OSBP2: variants seen among roughly 807,000 people sequenced by gnomAD.
OSBP2 encodes oxysterol-binding protein 2.
OSBP2 carries 66 observed loss-of-function variants against 96.0 expected under a neutral mutation model. That is an observed-to-expected ratio of 0.69 (90% CI 0.56 to 0.84). The LOEUF is 0.84. Ranked by LOEUF, OSBP2 falls within the 40% of genes least tolerant of loss-of-function variation. The pLI is 0.00. For synonymous variants in OSBP2, 525 were observed against 520.9 expected, an observed-to-expected ratio of 1.01 and a Z score of -0.11; for missense variants, 1,038 against 1,222.7, an observed-to-expected ratio of 0.85 and a Z score of 2.25.
At chr22:30,739,406 C>A (rs2089903263) in intron 1 of OSBP2, among the ~76,000 whole-genome samples, 1 of 152,230 alleles carries the variant, frequency 6.6e-6, no homozygotes, top group African/African-American at 2.4e-5. Context: ...CTACGTCTGC[C>A]CCCTCAGGCT....
intron 2 of OSBP2, among the ~76,000 whole-genome samples, chr22:30,807,793 T>C (rs1220506014): frequency 1.3e-5 from 2 of 152,148 alleles, no homozygotes; most frequent in East Asian, 3.9e-4. Flanking sequence ...CTGGGTCTTT[T>C]TTTTGTGGTG....
At chr22:30,765,647 T>A (rs1015250338) in intron 2 of OSBP2, among the ~76,000 whole-genome samples, 4 of 152,178 alleles carry the variant, frequency 2.6e-5, no homozygotes, top group Non-Finnish European at 5.9e-5. Context: ...ATCTCCAAAT[T>A]CCATGTTTTT....
intron 2 of OSBP2, among the ~76,000 whole-genome samples, chr22:30,776,502 G>A (rs2090439759): frequency 6.6e-6 from 1 of 151,974 alleles, no homozygotes; most frequent in South Asian, 2.1e-4. Context: ...TTTTGAAAAT[G>A]TTTGCCAGTT....
At chr22:30,805,701 C>T (rs1389276929) in intron 2 of OSBP2, among the ~76,000 whole-genome samples, 2 of 152,198 alleles carry the variant, frequency 1.3e-5, no homozygotes, top group Non-Finnish European at 2.9e-5. Context: ...CATGAAAGGA[C>T]TCAATAGCTT....
At chr22:30,888,201 A>G in intron 4 of OSBP2, 22 bp from the exon 5 acceptor site, 1 of 1,483,988 alleles carries the variant, frequency 6.7e-7, no homozygotes, top group Non-Finnish European at 9.4e-7. Context: ...GTTACAAATT[A>G]AAGCTCTGTC....
intron 2 of OSBP2, among the ~76,000 whole-genome samples, chr22:30,777,494 C>T (rs2090452407): frequency 6.6e-6 from 1 of 152,178 alleles, no homozygotes; most frequent in Admixed American, 6.5e-5. Flanking sequence ...CCACGTGGAG[C>T]TGTAAGTCCA....
intron 2 of OSBP2, among the ~76,000 whole-genome samples, chr22:30,819,453 T>C (rs2091121506): frequency 6.6e-6 from 1 of 152,182 alleles, no homozygotes; most frequent in Non-Finnish European, 1.5e-5. Context: ...GTGGAGCTGT[T>C]AGAAGAACCC....
intron 1 of OSBP2, 95 bp from the exon 2 acceptor site, chr22:30,741,066 G>A: frequency 2.1e-6 from 2 of 958,040 alleles, no homozygotes; most frequent in Non-Finnish European, 3.2e-6. Flanking sequence ...CAGCTCTGAG[G>A]GTCTGAGATT....
chr22:30,818,197 C>T (rs1247688672), intron 2 of OSBP2, among the ~76,000 whole-genome samples: 1 of 152,216 alleles, frequency 6.6e-6, no homozygotes, highest in Non-Finnish European at 1.5e-5. Context: ...CGTGCCCAGC[C>T]AGTCCTACTG....
intron 1 of OSBP2, among the ~76,000 whole-genome samples, chr22:30,710,582 G>T (rs543770084): frequency 6.6e-6 from 1 of 151,784 alleles, no homozygotes; most frequent in African/African-American, 2.4e-5. Flanking sequence ...ACATGTTCCA[G>T]GCTCTTCTTA....
At chr22:30,727,252 T>C (rs1244425296) in intron 1 of OSBP2, among the ~76,000 whole-genome samples, 1 of 152,198 alleles carries the variant, frequency 6.6e-6, no homozygotes, top group African/African-American at 2.4e-5. Context: ...GGTGTCCCCT[T>C]GACCTGAGAG....
intron 2 of OSBP2, among the ~76,000 whole-genome samples, chr22:30,836,609 C>T (rs994973120): frequency 2.0e-5 from 3 of 152,148 alleles, no homozygotes; most frequent in Admixed American, 6.5e-5. Context: ...AAAGGTAATT[C>T]AAAGGTATTT....
chr22:30,865,787 C>T (rs571317405), intron 2 of OSBP2, among the ~76,000 whole-genome samples: 132 of 152,272 alleles, frequency 8.7e-4, no homozygotes, highest in African/African-American at 3.0e-3. Flanking sequence ...CCCAGAGCAG[C>T]CACTAATATC....
chr22:30,829,450 G>A (rs906288263), intron 2 of OSBP2, among the ~76,000 whole-genome samples: 3 of 152,066 alleles, frequency 2.0e-5, no homozygotes, highest in Admixed American at 1.3e-4. Flanking sequence ...CTGCCACCAC[G>A]CCTGGCTAAT....
intron 6 of OSBP2, 85 bp downstream of exon 6, chr22:30,889,319 G>T (rs1180185699): frequency 6.8e-7 from 1 of 1,465,540 alleles, no homozygotes; most frequent in South Asian, 1.2e-5. Context: ...AAGAACTGGG[G>T]GCCAGCAGGC....
intron 2 of OSBP2, among the ~76,000 whole-genome samples, chr22:30,756,845 T>G (rs932236209): frequency 2.6e-5 from 4 of 152,176 alleles, no homozygotes; most frequent in Non-Finnish European, 5.9e-5. Flanking sequence ...ACCTGTCAGT[T>G]CTGCACCTTC....
At position 30,871,770 on chromosome 22, in the gene OSBP2, G is replaced by A. The variant is rs1466550727; in HGVS notation, c.1107+1088G>A. 6.6e-6 allele frequency among the ~76,000 whole-genome samples: 1 copy of A among 152,238 alleles called. No homozygotes were observed. Among genetic ancestry groups the A allele is most frequent in the Non-Finnish European group, 1.5e-5 (1 of 68,040 alleles). On this transcript the variant is annotated intron_variant, in intron 3 of 13. Coordinates refer to ENST00000332585, the MANE Select transcript of OSBP2 (RefSeq NM_030758.4). This position sits in a 1 kb window ranked among gnomAD's most constrained non-coding sequence, Gnocchi z 4.7. ...AGGGCAGGGTGGGAAGATAGAGGCT[G>A]GAGCTCACCGCAGGCCAAGAGCCCA...
chr22:30,803,800 AGTGGGGT>A (rs59778820), intron 2 of OSBP2, among the ~76,000 whole-genome samples: 6,885 of 152,098 alleles, frequency 0.045, 523 homozygotes, highest in African/African-American at 0.16. Flanking sequence ...ACTGCCTGCC[AGTGGGGT>A]GTGTGTGTGT....
chr22:30,782,424 T>G (rs2090530141), intron 2 of OSBP2, among the ~76,000 whole-genome samples: 1 of 152,138 alleles, frequency 6.6e-6, no homozygotes, highest in South Asian at 2.1e-4. Flanking sequence ...ATTCCTGACC[T>G]TAGGTGATCT....
Sources: gnomAD v4.1 joint callset for allele counts (sites outside exome capture counted in the v4.1 genomes callset) on GRCh38, gnomAD v4.1.1 for gene constraint, Gnocchi (gnomAD v3.1) non-coding constraint, MANE v1.5 for transcripts, NCBI Gene and HGNC (gene_info 2026-07-23, HGNC 2026-07-21) for gene names.